Variants in OSBPL10 observed in about 807,000 individuals in gnomAD.
OSBPL10 encodes the protein oxysterol binding protein like 10.
In OSBPL10, 49 loss-of-function variants were observed where a neutral mutation model predicts 81.7. The ratio of observed to expected loss-of-function variants is 0.60; its 90% CI spans 0.48 to 0.76. OSBPL10 has a LOEUF of 0.76. OSBPL10 is among the 30% of genes least tolerant of loss of function. The pLI is 0.00. For missense variants in OSBPL10, 923 were observed against 987.8 expected (o/e 0.93, Z 0.88); for synonymous variants, 419 against 383.6 (o/e 1.09, Z -1.08).
intron 2 of OSBPL10, among the ~76,000 whole-genome samples, chr3:31,995,227 T>C (rs1164316845): frequency 6.6e-6 from 1 of 152,098 alleles, no homozygotes. Flanking sequence ...CAGGCTGGGA[T>C]TTCCCAATCC....
At chr3:31,709,751 T>C (rs950805802) in intron 6 of OSBPL10, among the ~76,000 whole-genome samples, 7 of 152,084 alleles carry the variant, frequency 4.6e-5, no homozygotes, top group African/African-American at 1.7e-4. Context: ...AGGCTGCAAA[T>C]CAAGCTTAGC....
chr3:31,769,190 C>G (rs905327361), intron 4 of OSBPL10, among the ~76,000 whole-genome samples: 9 of 152,126 alleles, frequency 5.9e-5, no homozygotes, highest in Non-Finnish European at 1.2e-4. Context: ...AGCCTGTAAT[C>G]CCAGCACTTT....
intron 4 of OSBPL10, among the ~76,000 whole-genome samples, chr3:31,809,781 G>A (rs917137003): frequency 4.2e-4 from 64 of 151,592 alleles, no homozygotes; most frequent in Admixed American, 2.6e-3. Flanking sequence ...TAGCACTGCC[G>A]TATCAGTGGA....
intron 1 of OSBPL10, among the ~76,000 whole-genome samples, chr3:31,954,590 C>T (rs1197450816): frequency 1.6e-4 from 24 of 151,902 alleles, no homozygotes; most frequent in Admixed American, 1.6e-3. Flanking sequence ...ATATTGGGGG[C>T]AGGGGGAAGG....
chr3:32,031,029 G>A (rs915291955), intron 2 of OSBPL10, among the ~76,000 whole-genome samples: 26 of 152,022 alleles, frequency 1.7e-4, no homozygotes, highest in African/African-American at 6.0e-4. Context: ...TTAGCCTGGC[G>A]TTGTGGCAGG....
intron 3 of OSBPL10, among the ~76,000 whole-genome samples, chr3:31,856,112 ACACACG>A (rs1218336628): frequency 3.6e-5 from 5 of 139,106 alleles, no homozygotes; most frequent in African/African-American, 1.3e-4. Context: ...ACACACACAC[ACACACG>A]TTTTAATCTA....
intron 1 of OSBPL10, among the ~76,000 whole-genome samples, chr3:31,891,175 G>A (rs543214242): frequency 1.1e-4 from 17 of 152,338 alleles, no homozygotes; most frequent in Non-Finnish European, 1.9e-4. Flanking sequence ...ATAGAGGAAG[G>A]TAGTGTGATT....
intron 5 of OSBPL10, among the ~76,000 whole-genome samples, chr3:31,746,064 T>A (rs964733998): frequency 6.6e-6 from 1 of 152,216 alleles, no homozygotes; most frequent in Non-Finnish European, 1.5e-5. Context: ...ATATGTGACA[T>A]AACCAGTCTC....
chr3:31,956,728 CA>C (rs565758676), intron 1 of OSBPL10, among the ~76,000 whole-genome samples: 53 of 138,238 alleles, frequency 3.8e-4, no homozygotes, highest in East Asian at 6.3e-4. Flanking sequence ...AACTCCGTCT[CA>C]AAAAAAAAAA....
intron 4 of OSBPL10, among the ~76,000 whole-genome samples, chr3:31,808,027 C>T (rs147217144): frequency 1.2e-3 from 188 of 152,166 alleles, no homozygotes; most frequent in African/African-American, 4.1e-3. Context: ...ACATGAAGAA[C>T]GTGCCACAGA....
intron 7 of OSBPL10, among the ~76,000 whole-genome samples, chr3:31,689,221 A>G (rs1700879524): frequency 6.6e-6 from 1 of 152,174 alleles, no homozygotes; most frequent in African/African-American, 2.4e-5. Context: ...CATGAAAGGG[A>G]AAAAGGCGGG....
At chr3:31,716,832 G>A (rs567305582) in intron 6 of OSBPL10, among the ~76,000 whole-genome samples, 1 of 152,182 alleles carries the variant, frequency 6.6e-6, no homozygotes, top group East Asian at 1.9e-4. Context: ...GATTGGATAA[G>A]GGTGATTATA....
At chr3:32,019,471 T>G (rs1048013465) in intron 2 of OSBPL10, among the ~76,000 whole-genome samples, 9 of 152,202 alleles carry the variant, frequency 5.9e-5, no homozygotes, top group African/African-American at 2.2e-4. Flanking sequence ...GAATGGGAAT[T>G]TATAATAAGC....
At chr3:31,846,140 G>A (rs545095591) in intron 3 of OSBPL10, among the ~76,000 whole-genome samples, 6 of 152,198 alleles carry the variant, frequency 3.9e-5, no homozygotes, top group Admixed American at 2.0e-4. Flanking sequence ...AGCCTCCCGC[G>A]TGGCGGGGAC....
intron 2 of OSBPL10, among the ~76,000 whole-genome samples, chr3:32,037,187 A>T (rs1166477299): frequency 6.6e-6 from 1 of 152,200 alleles, no homozygotes; most frequent in African/African-American, 2.4e-5. Flanking sequence ...AGAGAACAGG[A>T]ACTGCGGGCT....
chr3:31,960,311 C>T (rs936883697), intron 1 of OSBPL10: 6 of 152,112 alleles, frequency 3.9e-5, no homozygotes, highest in African/African-American at 1.2e-4. Flanking sequence ...AGCCACACTC[C>T]GCTTGTCACT....
chr3:32,014,624 G>T lies in OSBPL10; in HGVS notation n.298+31867C>A, dbSNP rs1034795999. Among the ~76,000 whole-genome samples, 24 of 152,198 alleles carry T rather than the reference G, an allele frequency of 1.6e-4. No individual in the cohort carries two copies. The Middle Eastern group carries it at 0.01, about 65-fold the overall frequency. On this transcript the variant is annotated intron_variant and non_coding_transcript_variant, in intron 2 of 3. Transcript: ENST00000479173. ...AATCAGGCAGGAAAAGGAAATAAAG[G>T]GTATTCAATTAGGAAAAGAGGAAGT...
intron 1 of OSBPL10, among the ~76,000 whole-genome samples, chr3:31,964,742 T>C (rs989967255): frequency 6.6e-6 from 1 of 152,184 alleles, no homozygotes; most frequent in Non-Finnish European, 1.5e-5. Context: ...TTTCAAACAA[T>C]GAACAAACAT....
At chr3:31,899,325 G>A (rs1164228810) in intron 1 of OSBPL10, among the ~76,000 whole-genome samples, 2 of 151,660 alleles carry the variant, frequency 1.3e-5, no homozygotes, top group Admixed American at 6.6e-5. Context: ...TTCCAAAAGA[G>A]TAAGAAGAAA....
Sources: gnomAD v4.1 joint callset for allele counts (sites outside exome capture counted in the v4.1 genomes callset) on GRCh38, gnomAD v4.1.1 for gene constraint, MANE v1.5 for transcripts, NCBI Gene and HGNC (gene_info 2026-07-23, HGNC 2026-07-21) for gene names.